CTTNBP2: variants seen among roughly 807,000 people sequenced by gnomAD.
The protein encoded by CTTNBP2 is cortactin-binding protein 2.
CTTNBP2 carries 108 observed loss-of-function variants against 156.9 expected under a neutral mutation model. The observed-to-expected ratio is 0.69, with a 90% CI of 0.59 to 0.81. CTTNBP2 has a LOEUF of 0.81. Among genes scored for constraint, CTTNBP2 ranks in the 30% least tolerant of loss-of-function variants. The pLI, the probability that CTTNBP2 is intolerant of heterozygous loss-of-function variation, is 0.00. For missense variants in CTTNBP2, 1,924 were observed against 2,035.4 expected, an observed-to-expected ratio of 0.95 and a Z score of 1.05; for synonymous variants, 767 against 751.8, an observed-to-expected ratio of 1.02 and a Z score of -0.33.
At chr7:117,800,404 T>C (rs1238212906) in intron 3 of CTTNBP2, among the ~76,000 whole-genome samples, 1 of 152,088 alleles carries the variant, frequency 6.6e-6, no homozygotes, top group Non-Finnish European at 1.5e-5. Context: ...AAATATTCTA[T>C]ATCTTGTTGG....
chr7:117,832,774 TCTCA>T (rs1216954447), intron 2 of CTTNBP2, among the ~76,000 whole-genome samples: 1 of 130,788 alleles, frequency 7.6e-6, no homozygotes, highest in Middle Eastern at 4.4e-3. Context: ...TGAGATAGAG[TCTCA>T]CTGTGTCGCC....
chr7:117,756,688 G>A (rs746433873), intron 11 of CTTNBP2, 54 bp from the exon 12 acceptor site: 6 of 1,097,850 alleles, frequency 5.5e-6, no homozygotes, highest in East Asian at 4.7e-5. Context: ...AAATATAAAC[G>A]ATCAAAACAC....
At chr7:117,757,842 T>C in intron 11 of CTTNBP2, 33 bp downstream of exon 11, 3 of 1,473,004 alleles carry the variant, frequency 2.0e-6, no homozygotes, top group Non-Finnish European at 2.8e-6. Context: ...GCAAACACTC[T>C]TTAAACGTCA....
At chr7:117,797,750 G>T (rs896544579) in intron 3 of CTTNBP2, among the ~76,000 whole-genome samples, 1 of 150,906 alleles carries the variant, frequency 6.6e-6, no homozygotes, top group Non-Finnish European at 1.5e-5. Context: ...GCAAGTATTC[G>T]ATTTGAAGAG....
chr7:117,828,204 GA>G (rs1282687143), intron 2 of CTTNBP2, among the ~76,000 whole-genome samples: 1 of 152,190 alleles, frequency 6.6e-6, no homozygotes, highest in African/African-American at 2.4e-5. Flanking sequence ...GTCCTTGAGA[GA>G]AGGTATACCT....
chr7:117,812,289 A>G (rs1202338076), intron 2 of CTTNBP2, among the ~76,000 whole-genome samples: 1 of 152,194 alleles, frequency 6.6e-6, no homozygotes, highest in African/African-American at 2.4e-5. Flanking sequence ...TAGAATGAAA[A>G]AAAATCTATG....
At chr7:117,810,631 C>A in intron 3 of CTTNBP2, 134 bp downstream of exon 3, 1 of 711,434 alleles carries the variant, frequency 1.4e-6, no homozygotes, top group Non-Finnish European at 2.5e-6. Flanking sequence ...AAGAATCTGT[C>A]AGCCTCTTGC....
At chr7:117,842,492 T>A (rs1802336393) in intron 2 of CTTNBP2, among the ~76,000 whole-genome samples, 1 of 151,938 alleles carries the variant, frequency 6.6e-6, no homozygotes, top group South Asian at 2.1e-4. Context: ...CATGAGCCAC[T>A]GTGACCGGCA....
At chr7:117,749,358 G>A (rs1231293852) in intron 12 of CTTNBP2, among the ~76,000 whole-genome samples, 1 of 152,150 alleles carries the variant, frequency 6.6e-6, no homozygotes, top group Non-Finnish European at 1.5e-5. Flanking sequence ...GGTGTCTGCA[G>A]TTGCTGATTA....
chr7:117,823,314 G>A (rs534499991), intron 2 of CTTNBP2, among the ~76,000 whole-genome samples: 14 of 152,184 alleles, frequency 9.2e-5, no homozygotes, highest in African/African-American at 3.4e-4. Flanking sequence ...GGAATTATAC[G>A]TAAATTAGAG....
At chr7:117,720,750 A>ACTAT (rs1297930206) in intron 20 of CTTNBP2, among the ~76,000 whole-genome samples, 1 of 152,226 alleles carries the variant, frequency 6.6e-6, no homozygotes, top group South Asian at 2.1e-4. Context: ...TCATCTAATG[A>ACTAT]CTATCTAAAA....
chr7:117,814,226 A>G (rs1227912693), intron 2 of CTTNBP2, among the ~76,000 whole-genome samples: 1 of 134,286 alleles, frequency 7.4e-6, no homozygotes, highest in Non-Finnish European at 1.6e-5. Context: ...AACAGATTTT[A>G]TGGTCAAAAA....
chr7:117,864,493 G>A lies in CTTNBP2; in HGVS notation c.82-3177C>T, dbSNP rs141445593. ...TTCCAATTCTATTCTGGCAAAACAG[G>A]GTTAAAAAAAGTACTGTGCATGAAA... On this transcript the variant is annotated intron_variant, in intron 1 of 22. Coordinates refer to ENST00000160373, the MANE Select transcript of CTTNBP2 (RefSeq NM_033427.3). 6.7e-3 allele frequency among the ~76,000 whole-genome samples: 1,006 copies of A among 150,924 alleles called. 9 individuals are homozygous for A. Among genetic ancestry groups the A allele is most frequent in the African/African-American group, 0.022 (898 of 41,148 alleles).
At position 117,730,371 on chromosome 7, in the gene CTTNBP2, C is replaced by T. The variant is rs960330568; in HGVS notation, c.3877-2104G>A. ...AGTGGTACCTTACCTGTTTCTTTCA[C>T]AGCACATATTAGCCACCTGTTTAAT... On this transcript the variant is annotated intron_variant, in intron 16 of 22. Coordinates refer to ENST00000160373, the MANE Select transcript of CTTNBP2 (RefSeq NM_033427.3). Among the ~76,000 whole-genome samples, 3 of 152,218 alleles carry T rather than the reference C, an allele frequency of 2.0e-5. No homozygotes were observed. The East Asian group carries it at 5.8e-4, about 29-fold the overall frequency.
rs759599436 is a variant in CTTNBP2, at chr7:117,784,293, C to T, written c.2230G>A (p.Gly744Ser). The change falls in exon 5 of 23, where the codon GGC becomes AGC. Residue 744 changes from glycine (G) to serine (S), a missense_variant. Physicochemically the swap from Gly to Ser is moderately conservative, Grantham distance 56. Coordinates refer to ENST00000160373, the MANE Select transcript of CTTNBP2 (RefSeq NM_033427.3). ...GLDINYSCEDGHSALYSAAKN... is the reference protein window; with the variant it reads ...GLDINYSCEDSHSALYSAAKN... The stretch of plus-strand genomic sequence containing the variant: ...GCAGCAGAATACAAGGCAGAATGGC[C>T]ATCTTCACAGGAGTAATTAATGTCC... 1 of 1,613,484 alleles carries T rather than the reference C, an allele frequency of 6.2e-7. No individual in the cohort carries two copies. Among genetic ancestry groups the T allele is most frequent in the Non-Finnish European group, 8.5e-7 (1 of 1,179,896 alleles).
intron 16 of CTTNBP2, among the ~76,000 whole-genome samples, chr7:117,731,800 G>A (rs1368316175): frequency 1.3e-5 from 2 of 152,204 alleles, no homozygotes; most frequent in African/African-American, 2.4e-5. Context: ...AGTTTGTTAC[G>A]TGTGCAGTGT....
chr7:117,821,321 C>T (rs1007350828), intron 2 of CTTNBP2, among the ~76,000 whole-genome samples: 3 of 151,234 alleles, frequency 2.0e-5, no homozygotes, highest in Non-Finnish European at 2.9e-5. Context: ...ATTATGTTGG[C>T]TGTGTGGTTT....
chr7:117,817,386 A>ATG (rs1800683405), intron 2 of CTTNBP2, among the ~76,000 whole-genome samples: 1 of 128,308 alleles, frequency 7.8e-6, no homozygotes, highest in Non-Finnish European at 1.7e-5. Context: ...ATATATATAT[A>ATG]TAATTTCATC....
intron 3 of CTTNBP2, among the ~76,000 whole-genome samples, chr7:117,807,287 T>A (rs1001246213): frequency 6.6e-5 from 10 of 152,216 alleles, no homozygotes; most frequent in Admixed American, 6.5e-4. Context: ...TTATTACATA[T>A]GATTCTCTAC....
Sources: gnomAD v4.1 joint callset for allele counts (sites outside exome capture counted in the v4.1 genomes callset) on GRCh38, gnomAD v4.1.1 for gene constraint, MANE v1.5 for transcripts, NCBI Gene and HGNC (gene_info 2026-07-23, HGNC 2026-07-21) for gene names.